The following DMD variants were observed in gnomAD, a reference collection of about 807,000 sequenced individuals.
DMD encodes dystrophin.
Under a neutral mutation model 330.1 loss-of-function variants are expected in DMD, and 63 were observed. That is an observed-to-expected ratio of 0.19 (90% CI 0.16 to 0.24). The LOEUF (loss-of-function observed/expected upper bound fraction) is 0.24. DMD is among the 10% of genes least tolerant of loss of function. The pLI, the probability that DMD is intolerant of heterozygous loss-of-function variation, is 1.00. For missense variants in DMD, 3,344 were observed against 2,684.1 expected (o/e 1.25, Z -5.43); for synonymous variants, 1,223 against 959.8 (o/e 1.27, Z -5.07).
intron 1 of DMD, among the ~76,000 whole-genome samples, chrX:33,166,300 A>G (rs1341678501): frequency 1.8e-5 from 2 of 111,351 alleles, no homozygotes; most frequent in African/African-American, 3.3e-5. Flanking sequence ...CAGGAAATTA[A>G]AAGTGAAATA....
intron 54 of DMD, among the ~76,000 whole-genome samples, chrX:31,645,317 T>C (rs1017875001): frequency 3.6e-5 from 4 of 112,044 alleles, no homozygotes; most frequent in African/African-American, 6.5e-5. Context: ...AGATTCAATA[T>C]GATTCAAATA....
intron 1 of DMD, among the ~76,000 whole-genome samples, chrX:33,155,913 C>G (rs2048490192): frequency 9.0e-6 from 1 of 111,289 alleles, no homozygotes; most frequent in African/African-American, 3.3e-5. Context: ...AGTGACAGAG[C>G]AAGACCTCAT....
chrX:31,556,260 G>A (rs982238409), intron 55 of DMD, among the ~76,000 whole-genome samples: 3 of 106,109 alleles, frequency 2.8e-5, no homozygotes, highest in South Asian at 4.4e-4. Context: ...CCAGCTGCTC[G>A]GGAGGCTGAG....
chrX:32,554,601 C>T (rs900631118), intron 16 of DMD, among the ~76,000 whole-genome samples: 16 of 108,587 alleles, frequency 1.5e-4, no homozygotes, highest in South Asian at 4.1e-4. Context: ...ATCAATAATG[C>T]GTTCTGAAAT....
intron 9 of DMD, among the ~76,000 whole-genome samples, chrX:32,662,285 G>A (rs2060997700): frequency 9.0e-6 from 1 of 111,362 alleles, no homozygotes; most frequent in South Asian, 3.8e-4. Flanking sequence ...TGAAAGTACG[G>A]CAGCTCTTCA....
chrX:32,643,344 T>A (rs1444580560), intron 11 of DMD, among the ~76,000 whole-genome samples: 1 of 110,879 alleles, frequency 9.0e-6, no homozygotes, highest in Non-Finnish European at 1.9e-5. Context: ...GTCCTTTTTT[T>A]TTTTTAACGC....
intron 2 of DMD, among the ~76,000 whole-genome samples, chrX:32,917,633 A>G (rs977026482): frequency 2.7e-5 from 3 of 112,122 alleles, no homozygotes; most frequent in Admixed American, 9.5e-5. Context: ...GGAAAAAAAG[A>G]GAAGAAGGTA....
intron 1 of DMD, among the ~76,000 whole-genome samples, chrX:33,179,734 A>G (rs1203047521): frequency 9.0e-6 from 1 of 111,034 alleles, no homozygotes; most frequent in Non-Finnish European, 1.9e-5. Context: ...ATGAAAGTTC[A>G]TTGATAATGC....
rs766977775 is a variant in DMD, at chrX:32,438,353, G to C, written c.3959C>G (p.Pro1320Arg). The C allele has an allele frequency of 4.2e-5, 51 of 1,209,518 alleles. No homozygotes were observed. The Admixed American group carries it at 1.1e-3, about 25-fold the overall frequency. Residue 1320 changes from proline (P) to arginine (R), a missense_variant, in exon 29 of 79, where the codon CCA becomes CGA. Physicochemically the swap from Pro to Arg is moderately radical, Grantham distance 103. Coordinates refer to ENST00000357033, the MANE Select transcript of DMD (RefSeq NM_004006.3). ...ENLMRHSEDN[P>R]NQIRILAQTL... is the part of the protein sequence containing the mutation. ...CTGTGCCAATATGCGAATCTGATTT[G>C]GGTTATCCTCTGAATGTCGCATCAA...
At chrX:31,148,834 C>T (rs1449133891) in intron 74 of DMD, among the ~76,000 whole-genome samples, 3 of 111,947 alleles carry the variant, frequency 2.7e-5, no homozygotes, top group Non-Finnish European at 5.6e-5. Flanking sequence ...GCTTTTCATG[C>T]TTCCTTTACC....
At chrX:32,738,312 G>A (rs769406592) in intron 7 of DMD, among the ~76,000 whole-genome samples, 97 of 111,436 alleles carry the variant, frequency 8.7e-4, no homozygotes, top group Non-Finnish European at 1.6e-3. Flanking sequence ...AATCTATGCA[G>A]ACATCCCAAA....
chrX:33,186,690 T>A (rs1569557842), intron 1 of DMD, among the ~76,000 whole-genome samples: 1 of 111,611 alleles, frequency 9.0e-6, no homozygotes, highest in East Asian at 2.8e-4. Flanking sequence ...AATAAAAATG[T>A]AAATATAAGA....
intron 55 of DMD, among the ~76,000 whole-genome samples, chrX:31,560,343 A>G (rs760003616): frequency 1.8e-4 from 20 of 111,773 alleles, no homozygotes; most frequent in Middle Eastern, 4.2e-3. Flanking sequence ...TGCAATTACT[A>G]ATAGGACACA....
chrX:31,870,384 A>G (rs1429243932), intron 48 of DMD, among the ~76,000 whole-genome samples: 1 of 111,949 alleles, frequency 8.9e-6, no homozygotes, highest in African/African-American at 3.2e-5. Context: ...TAGTGCCCCA[A>G]TCTGCTAGTC....
chrX:31,393,501 A>C lies in DMD; in HGVS notation c.9085-44867T>G, dbSNP rs772867317. Among the ~76,000 whole-genome samples the C allele has an allele frequency of 8.5e-3, 829 of 97,937 alleles. 12 individuals are homozygous for C. The highest frequency in any genetic ancestry group is 0.041 in the African/African-American group (771 of 19,024). 85.0% of individuals were successfully genotyped at this position (97,937 alleles called of 115,157 possible). A position where few individuals can be genotyped will look rare whatever the true frequency, so the allele number is the denominator to read the frequency against. ...CAAAAAAAAAAAAAAACAAAAAAAA[A>C]AAACAAACCCAACTTTTTCTTAAAA... On this transcript the variant is annotated intron_variant, in intron 60 of 78. Coordinates refer to ENST00000357033, the MANE Select transcript of DMD (RefSeq NM_004006.3).
In DMD at chrX:33,065,919, C is replaced by T. The variant is rs1286309523; in HGVS notation, c.32-45719G>A. 5.4e-5 allele frequency among the ~76,000 whole-genome samples: 6 copies of T among 111,299 alleles called. No homozygotes were observed. The East Asian group carries it at 1.4e-3, about 26-fold the overall frequency. ...AAACCGAAGGATTTGCCTCAAATAT[C>T]AAAACTAAGTGCAAATGGGCAATGC... On this transcript the variant is annotated intron_variant, in intron 1 of 78. Coordinates refer to ENST00000357033, the MANE Select transcript of DMD (RefSeq NM_004006.3).
intron 1 of DMD, among the ~76,000 whole-genome samples, chrX:33,128,618 C>T (rs756709757): frequency 8.9e-6 from 1 of 112,051 alleles, no homozygotes; most frequent in Non-Finnish European, 1.9e-5. Context: ...ATTATGAAGA[C>T]ACCTGTATTT....
At chrX:32,646,389 A>G (rs2059785445) in intron 9 of DMD, among the ~76,000 whole-genome samples, 1 of 111,777 alleles carries the variant, frequency 8.9e-6, no homozygotes, top group African/African-American at 3.3e-5. Flanking sequence ...GGTCAAGGAC[A>G]TAGGCATACT....
At chrX:33,107,261 G>A (rs1449366644) in intron 1 of DMD, among the ~76,000 whole-genome samples, 3 of 102,134 alleles carry the variant, frequency 2.9e-5, no homozygotes, top group Admixed American at 2.2e-4. Flanking sequence ...GCAGTGAGCC[G>A]AGATGGCATC....
Sources: gnomAD v4.1 joint callset for allele counts (sites outside exome capture counted in the v4.1 genomes callset) on GRCh38, gnomAD v4.1.1 for gene constraint, MANE v1.5 for transcripts, NCBI Gene and HGNC (gene_info 2026-07-23, HGNC 2026-07-21) for gene names.